The following ZNF469 variants were observed in gnomAD, a reference collection of about 807,000 sequenced individuals.
ZNF469 encodes zinc finger protein 469.
Under a neutral mutation model 1.0 loss-of-function variants are expected in ZNF469, and 1 was observed. The ratio of observed to expected loss-of-function variants is 1.00; its 90% CI spans 0.35 to 4.73. The LOEUF is 4.73. ZNF469 is among the 30% of genes most tolerant of loss of function. The pLI is 0.16. For synonymous variants in ZNF469, 2,703 were observed against 2,363.4 expected, an observed-to-expected ratio of 1.14 and a Z score of -4.17; for missense variants, 6,100 against 5,356.3, an observed-to-expected ratio of 1.14 and a Z score of -4.33.
Position 88,428,897 on chromosome 16 carries a change from TC to T in ZNF469, c.1432del (p.Gln478ArgfsTer24). 1 of 1,546,796 alleles carries T rather than the reference TC, an allele frequency of 6.5e-7. No homozygotes were observed. Reference sequence around the variant, plus strand: ...CCCAGCCCAGGCCAGCGGCTCTGCCTCCCCCAGAGTGCCCCCCTGCCTTGGC... The same window carrying T: ...CCCAGCCCAGGCCAGCGGCTCTGCCTCCCCAGAGTGCCCCCCTGCCTTGGC... ...GQPSPGQRLC[L>X]PQSAPLPWPQ... On this transcript the variant is annotated frameshift_variant, in exon 3 of 3. Transcript: ENST00000565624. LOFTEE classifies it low-confidence loss of function (END_TRUNC).
the ZNF469 span, among the ~76,000 whole-genome samples, chr16:88,257,766 G>A: frequency 4.6e-5 from 7 of 152,164 alleles, no homozygotes; most frequent in Non-Finnish European, 8.8e-5. Context: ...TCAGTAACTT[G>A]GACAAAGCAC....
At chr16:88,369,274 G>A in the ZNF469 span, among the ~76,000 whole-genome samples, 1 of 152,188 alleles carries the variant, frequency 6.6e-6, no homozygotes, top group East Asian at 1.9e-4. Flanking sequence ...AGGACGCCCA[G>A]CACATGCATC....
At chr16:88,135,585 G>A in the ZNF469 span, among the ~76,000 whole-genome samples, 5 of 152,056 alleles carry the variant, frequency 3.3e-5, no homozygotes, top group East Asian at 1.9e-4. Flanking sequence ...CTGTTGGTGA[G>A]GAGCACCCAC....
the ZNF469 span, among the ~76,000 whole-genome samples, chr16:88,127,224 G>A: frequency 2.4e-4 from 37 of 152,096 alleles, no homozygotes; most frequent in Non-Finnish European, 4.1e-4. Flanking sequence ...TCTTTCCAGC[G>A]TTGTCCGCGT....
At chr16:88,226,607 C>A in the ZNF469 span, among the ~76,000 whole-genome samples, 1 of 152,082 alleles carries the variant, frequency 6.6e-6, no homozygotes, top group East Asian at 1.9e-4. Context: ...GAGACCAGTG[C>A]GGCCCTCCTT....
At chr16:88,318,893 C>T in the ZNF469 span, among the ~76,000 whole-genome samples, 1 of 152,258 alleles carries the variant, frequency 6.6e-6, no homozygotes, top group Non-Finnish European at 1.5e-5. Flanking sequence ...TGACCGTCCT[C>T]ACCAGGGCAG....
chr16:88,405,391 T>G (rs1300587351), intron 1 of ZNF469, among the ~76,000 whole-genome samples: 2 of 152,192 alleles, frequency 1.3e-5, no homozygotes, highest in African/African-American at 4.8e-5. Flanking sequence ...AGTGGCCACA[T>G]GGGCCCGTGG....
At chr16:88,162,987 G>A in the ZNF469 span, among the ~76,000 whole-genome samples, 1 of 152,192 alleles carries the variant, frequency 6.6e-6, no homozygotes, top group African/African-American at 2.4e-5. Context: ...TTGGATGGAT[G>A]GGTGGGTGGA....
the ZNF469 span, among the ~76,000 whole-genome samples, chr16:88,264,024 C>A: frequency 1.3e-5 from 2 of 152,062 alleles, no homozygotes; most frequent in Non-Finnish European, 2.9e-5. Context: ...CTGTGGCAGG[C>A]CCAGTGTCCA....
the ZNF469 span, among the ~76,000 whole-genome samples, chr16:88,335,922 T>C: frequency 7.2e-5 from 11 of 151,812 alleles, no homozygotes; most frequent in African/African-American, 2.7e-4. Flanking sequence ...ACCATGCACG[T>C]TCATCCTTCT....
Position 88,433,692 on chromosome 16 carries a change from C to A in ZNF469, c.6222C>A (p.His2074Gln). The A allele has an allele frequency of 1.3e-6, 2 of 1,549,512 alleles. No individual in the cohort carries two copies. Among genetic ancestry groups the A allele is most frequent in the Non-Finnish European group, 1.7e-6 (2 of 1,146,704 alleles). Reference protein sequence around the residue: ...ESLALALTAAHSRSGSEGRTP... With the variant: ...ESLALALTAAQSRSGSEGRTP... ...TGGCGCTGGCCTTGACAGCAGCCCACAGCCGAAGTGGATCTGAGGGCCGGA... is the reference window on the plus strand; with the variant it reads ...TGGCGCTGGCCTTGACAGCAGCCCAAAGCCGAAGTGGATCTGAGGGCCGGA... Residue 2074 changes from histidine to glutamine, a missense_variant, in exon 3 of 3, where the codon CAC becomes CAA. Physicochemically the swap from His to Gln is conservative, Grantham distance 24. Transcript: ENST00000565624.
chr16:88,401,215 T>C (rs1440057566), intron 1 of ZNF469, among the ~76,000 whole-genome samples: 5 of 152,080 alleles, frequency 3.3e-5, no homozygotes, highest in African/African-American at 1.2e-4. Flanking sequence ...TCTCCCAGCA[T>C]TGGGGTATGC....
Position 88,433,164 on chromosome 16 carries a change from G to C in ZNF469, c.5694G>C (p.Leu1898Phe). The change falls in exon 3 of 3, where the codon TTG (leucine) becomes TTC (phenylalanine). Residue 1898 changes from leucine to phenylalanine, a missense_variant. Leu to Phe is a conservative substitution (Grantham distance 22, BLOSUM62 0). Transcript: ENST00000565624. ...GCAGGAGGTCCCAGGACCCAGCTTT[G>C]AGCCCCCCCATACGTCAGCTCCAGC... Reference protein sequence around the residue: ...HPSRRSQDPALSPPIRQLQLP... With the variant: ...HPSRRSQDPAFSPPIRQLQLP... 6.5e-7 allele frequency: 1 copy of C among 1,550,316 alleles called. No homozygotes were observed. Among genetic ancestry groups the C allele is most frequent in the Non-Finnish European group, 8.7e-7 (1 of 1,146,932 alleles).
In ZNF469 at chr16:88,429,137, C is replaced by T. The variant is rs1346875944; in HGVS notation, c.1667C>T (p.Pro556Leu). 22 of 1,549,874 alleles carry T rather than the reference C, an allele frequency of 1.4e-5. No individual in the cohort carries two copies. The highest frequency in any genetic ancestry group is 1.9e-5 in the Non-Finnish European group (22 of 1,146,882). Residue 556 changes from proline to leucine, a missense_variant, in exon 3 of 3, where the codon CCT becomes CTT. By Grantham distance (98) the Pro-to-Leu change is moderately conservative. Coordinates refer to ENST00000565624, the MANE Select transcript of ZNF469 (RefSeq NM_001367624.2). ...ALFTYNGMTD[P>L]GAQPLFFGVA... ...TTCACCTACAACGGAATGACAGACC[C>T]TGGGGCTCAGCCCCTGTTCTTCGGG... is the stretch of plus-strand genomic sequence containing the variant.
the ZNF469 span, among the ~76,000 whole-genome samples, chr16:88,337,667 G>A: frequency 6.6e-6 from 1 of 152,272 alleles, no homozygotes; most frequent in South Asian, 2.1e-4. Flanking sequence ...TGCATCCTCA[G>A]CAGCAAGCAT....
rs373975520 is a variant in ZNF469, at chr16:88,434,061, G to A, written c.6591G>A (p.Pro2197=). 3.1e-5 allele frequency: 48 copies of A among 1,550,328 alleles called. No homozygotes were observed. Among genetic ancestry groups the A allele is most frequent in the Admixed American group, 2.4e-4 (12 of 51,000 alleles). The change falls in exon 3 of 3, where the codon CCG becomes CCA. Residue 2197 remains proline (P), a synonymous_variant. Coordinates refer to ENST00000565624, the MANE Select transcript of ZNF469 (RefSeq NM_001367624.2). The part of the protein sequence containing the change: ...TGAEDSPVAP[P]SLTTSPCDPK... ...CTGAGGATTCCCCGGTGGCTCCCCCGTCTTTGACAACAAGCCCCTGCGATC... is the reference window on the plus strand; with the variant it reads ...CTGAGGATTCCCCGGTGGCTCCCCCATCTTTGACAACAAGCCCCTGCGATC...
the ZNF469 span, among the ~76,000 whole-genome samples, chr16:88,221,520 A>C: frequency 6.6e-6 from 1 of 152,108 alleles, no homozygotes; most frequent in Non-Finnish European, 1.5e-5. Flanking sequence ...AAGCCTTCTG[A>C]GCGCTTCCTC....
At chr16:88,385,688 C>G (rs1409331744) in intron 1 of ZNF469, among the ~76,000 whole-genome samples, 1 of 151,778 alleles carries the variant, frequency 6.6e-6, no homozygotes, top group Non-Finnish European at 1.5e-5. Flanking sequence ...CCTCCTTGTC[C>G]AAACATAGGG....
chr16:88,407,263 C>G (rs999202539), intron 1 of ZNF469, among the ~76,000 whole-genome samples: 2 of 105,500 alleles, frequency 1.9e-5, no homozygotes, highest in East Asian at 5.0e-4. Flanking sequence ...TCAGCTGCGT[C>G]CACACTTCCA....
Sources: allele counts gnomAD v4.1 joint callset (sites outside exome capture counted in the v4.1 genomes callset), GRCh38; gene constraint gnomAD v4.1.1; transcripts MANE v1.5; gene names NCBI Gene and HGNC (gene_info 2026-07-23, HGNC 2026-07-21).